SRPRA: variants seen among roughly 807,000 people sequenced by gnomAD.
SRPRA encodes SRP receptor subunit alpha.
In SRPRA, 30 loss-of-function variants were observed where a neutral mutation model predicts 61.1. The observed-to-expected ratio is 0.49, with a 90% CI of 0.37 to 0.67. The LOEUF (loss-of-function observed/expected upper bound fraction) is 0.67, where lower values mean the gene tolerates loss of function less well. Among genes scored for constraint, SRPRA ranks in the 30% least tolerant of loss-of-function variants. The pLI is 0.00. For missense variants in SRPRA, 759 were observed against 828.4 expected, an observed-to-expected ratio of 0.92 and a Z score of 1.03; for synonymous variants, 324 against 299.7, an observed-to-expected ratio of 1.08 and a Z score of -0.84.
In SRPRA at chr11:126,264,003, G is replaced by A. The variant is rs116418767; in HGVS notation, c.1830C>T (p.Pro610=). 3 of 1,614,166 alleles carry A rather than the reference G, an allele frequency of 1.9e-6. No individual in the cohort carries two copies. Among genetic ancestry groups the A allele is most frequent in the Non-Finnish European group, 2.5e-6 (3 of 1,180,034 alleles). ...TCTGGCCGGTGCCCACAAAGACGAT[G>A]GGTTTGCTTGTGATGTACGTCATAG... ...AISMTYITSK[P]IVFVGTGQTY... is the part of the protein sequence containing the mutation. Residue 610 remains proline, a synonymous_variant, in exon 14 of 14, where the codon CCC becomes CCT. Transcript: ENST00000332118. This position sits in a 1 kb window ranked among gnomAD's most constrained non-coding sequence, Gnocchi z 5.0.
In SRPRA at chr11:126,263,529, C is replaced by G. The variant is rs1214799498; in HGVS notation, c.*387G>C. The G allele has an allele frequency of 5.8e-6, 1 of 173,366 alleles. No individual in the cohort carries two copies. The highest frequency in any genetic ancestry group is 2.4e-5 in the African/African-American group (1 of 41,842). 10.7% of individuals were successfully genotyped at this position (173,366 alleles called of 1,614,324 possible). A position where few individuals can be genotyped will look rare whatever the true frequency, so the allele number is the denominator to read the frequency against. On this transcript the variant is annotated 3_prime_UTR_variant, in exon 14 of 14. Coordinates refer to ENST00000332118, the MANE Select transcript of SRPRA (RefSeq NM_003139.4). ...GACCTGGCGCTGGCTCTGGAAGAGTCTCTTAACCTAATGCAGCTGGGACTC... is the reference window on the plus strand; with the variant it reads ...GACCTGGCGCTGGCTCTGGAAGAGTGTCTTAACCTAATGCAGCTGGGACTC...
the SRPRA span, among the ~76,000 whole-genome samples, chr11:126,237,382 G>A: frequency 6.7e-6 from 1 of 148,220 alleles, no homozygotes; most frequent in Non-Finnish European, 1.5e-5. Context: ...TACCACACCT[G>A]GCTAATTTTT....
At chr11:126,247,883 A>ATATATATATATAGATATACG in the SRPRA span, among the ~76,000 whole-genome samples, 2 of 144,356 alleles carry the variant, frequency 1.4e-5, no homozygotes, top group Non-Finnish European at 3.0e-5. Context: ...ATATATATCT[A>ATATATATATATAGATATACG]TATATATATA....
At position 126,264,634 on chromosome 11, in the gene SRPRA, C is replaced by G; in HGVS notation, c.1526-95G>C. ...AAAAGTCCTAGTTTGACTACCTGTT[C>G]ACTGTCTTGGGCTCTGGATTTGGTT... On this transcript the variant is annotated intron_variant, in intron 11 of 13. Coordinates refer to ENST00000332118, the MANE Select transcript of SRPRA (RefSeq NM_003139.4). The surrounding 1 kb of genome is among the most constrained non-coding windows in gnomAD (Gnocchi z 5.0). 13 of 1,439,796 alleles carry G rather than the reference C, an allele frequency of 9.0e-6. No homozygotes were observed. Among genetic ancestry groups the G allele is most frequent in the Non-Finnish European group, 1.2e-5 (13 of 1,058,734 alleles). The allele number at this position is 1,439,796 out of a possible 1,614,324, so 89.2% of individuals were successfully genotyped here.
the SRPRA span, among the ~76,000 whole-genome samples, chr11:126,243,571 G>A: frequency 2.0e-5 from 3 of 152,128 alleles, no homozygotes; most frequent in Admixed American, 1.3e-4. Flanking sequence ...TACCCATGAG[G>A]AAGTCAGAGT....
At chr11:126,248,844 G>A in the SRPRA span, among the ~76,000 whole-genome samples, 2 of 152,192 alleles carry the variant, frequency 1.3e-5, no homozygotes, top group African/African-American at 4.8e-5. Flanking sequence ...TAGGGGACCA[G>A]TCCAAACCCT....
the SRPRA span, chr11:126,241,195 C>T: frequency 1.1e-5 from 9 of 817,432 alleles, no homozygotes; most frequent in South Asian, 1.0e-4. Context: ...GACTCTTCTG[C>T]GCAATGTCTG....
the SRPRA span, among the ~76,000 whole-genome samples, chr11:126,236,583 A>ATATGAAT: frequency 6.6e-6 from 1 of 152,306 alleles, no homozygotes; most frequent in East Asian, 1.9e-4. Flanking sequence ...GAATCTAGAC[A>ATATGAAT]CCGGGCAGCT....
rs2135238677 is a variant in SRPRA at position 126,265,246 on chromosome 11, T to C, written c.1311+22A>G. ...ACAAGAAGTACAGAAATATCAGCGA[T>C]AGGCTGGGGAACTGCACTGACCTTG... On this transcript the variant is annotated intron_variant, in intron 10 of 13. Transcript: ENST00000332118. The surrounding 1 kb of genome is among the most constrained non-coding windows in gnomAD (Gnocchi z 6.3). 2 of 1,613,644 alleles carry C rather than the reference T, an allele frequency of 1.2e-6. No individual in the cohort carries two copies. Among genetic ancestry groups the C allele is most frequent in the Non-Finnish European group, 1.7e-6 (2 of 1,179,552 alleles).
the SRPRA span, among the ~76,000 whole-genome samples, chr11:126,252,376 C>G: frequency 6.6e-6 from 1 of 152,198 alleles, no homozygotes; most frequent in East Asian, 1.9e-4. The surrounding 1 kb of genome is among the most constrained non-coding windows in gnomAD (Gnocchi z 4.7). Context: ...GTTAGTCTTT[C>G]TTACCCTCAT....
At chr11:126,245,439 G>T in the SRPRA span, among the ~76,000 whole-genome samples, 1 of 152,126 alleles carries the variant, frequency 6.6e-6, no homozygotes, top group Non-Finnish European at 1.5e-5. Flanking sequence ...AGGATTCTCA[G>T]ATCAGACACT....
chr11:126,252,646 AGCAG>A, the SRPRA span, among the ~76,000 whole-genome samples: 1 of 151,802 alleles, frequency 6.6e-6, no homozygotes, highest in African/African-American at 2.4e-5. The surrounding 1 kb of genome is among the most constrained non-coding windows in gnomAD (Gnocchi z 4.7). Context: ...GGGAGGCTGA[AGCAG>A]GACGATCGAT....
At position 126,263,751 on chromosome 11, in the gene SRPRA, C is replaced by G; in HGVS notation, c.*165G>C. The G allele has an allele frequency of 1.0e-6, 1 of 964,478 alleles. No homozygotes were observed. The highest frequency in any genetic ancestry group is 2.5e-5 in the East Asian group (1 of 40,370). 59.7% of individuals were successfully genotyped at this position (964,478 alleles called of 1,614,324 possible). On this transcript the variant is annotated 3_prime_UTR_variant, in exon 14 of 14. Coordinates refer to ENST00000332118, the MANE Select transcript of SRPRA (RefSeq NM_003139.4). ...ATGATTAGGCCTTCCTTGCAGATGG[C>G]GGCTGTGCTGAACGGGGAGTGGGGT...
chr11:126,250,457 C>T, the SRPRA span: 4 of 1,306,732 alleles, frequency 3.1e-6, no homozygotes, highest in South Asian at 5.0e-5. This position sits in a 1 kb window ranked among gnomAD's most constrained non-coding sequence, Gnocchi z 5.1. Context: ...AAACAACTGA[C>T]CTACCAAAGC....
the SRPRA span, chr11:126,240,827 G>A: frequency 1.9e-5 from 31 of 1,609,986 alleles, no homozygotes; most frequent in South Asian, 5.5e-5. Context: ...AAGAAGCCTC[G>A]AGAACTTGTG....
rs771762438 is a variant in SRPRA at position 126,265,107 on chromosome 11, A to G, written c.1377T>C (p.Ala459=). The G allele has an allele frequency of 6.2e-7, 1 of 1,614,212 alleles. No homozygotes were observed. Among genetic ancestry groups the G allele is most frequent in the Non-Finnish European group, 8.5e-7 (1 of 1,180,032 alleles). Residue 459 remains alanine, a synonymous_variant, in exon 11 of 14, where the codon GCT becomes GCC. Coordinates refer to ENST00000332118, the MANE Select transcript of SRPRA (RefSeq NM_003139.4). This position sits in a 1 kb window ranked among gnomAD's most constrained non-coding sequence, Gnocchi z 6.3. ...VLIAACDTFR[A]GAVEQLRTHT... ...GTGTACGCAGCTGCTCCACGGCCCC[A>G]GCACGAAATGTATCACAGGCAGCAA...
intron 1 of SRPRA, 87 bp from the exon 2 acceptor site, chr11:126,268,173 C>A (rs1229851120): frequency 6.1e-6 from 7 of 1,140,996 alleles, no homozygotes; most frequent in Non-Finnish European, 9.1e-6. Flanking sequence ...TGGGAAAGAG[C>A]CAAACATTTC....
downstream of SRPRA, chr11:126,261,335 CAT>C (rs1950693433): frequency 2.0e-6 from 2 of 1,007,686 alleles, no homozygotes; most frequent in East Asian, 2.4e-5. Flanking sequence ...TCAGTCGTAC[CAT>C]ATGTCCTCAT....
chr11:126,266,590 T>A lies in SRPRA; in HGVS notation c.726A>T (p.Lys242Asn), dbSNP rs1287875288. The change falls in exon 6 of 14, where the codon AAA (lysine) becomes AAT (asparagine). Residue 242 changes from lysine to asparagine, a missense_variant. Physicochemically the swap from Lys to Asn is moderately conservative, Grantham distance 94. Transcript: ENST00000332118. Reference sequence around the variant, plus strand: ...CCAGTTCCCACACCCGGGGTGCTTTTTTGCCCTTCTCCTTTGGAGCATCTG... The same window carrying A: ...CCAGTTCCCACACCCGGGGTGCTTTATTGCCCTTCTCCTTTGGAGCATCTG... ...TKSDAPKEKGKKAPRVWELGG... is the reference protein window; with the variant it reads ...TKSDAPKEKGNKAPRVWELGG... The A allele has an allele frequency of 4.3e-6, 7 of 1,614,084 alleles. No homozygotes were observed. The highest frequency in any genetic ancestry group is 5.9e-6 in the Non-Finnish European group (7 of 1,180,030).
Sources: allele counts gnomAD v4.1 joint callset (sites outside exome capture counted in the v4.1 genomes callset), GRCh38; gene constraint gnomAD v4.1.1; non-coding constraint Gnocchi (gnomAD v3.1); transcripts MANE v1.5; gene names NCBI Gene and HGNC (gene_info 2026-07-23, HGNC 2026-07-21).